Variants in NAV3 observed in about 807,000 individuals in gnomAD.
NAV3 encodes neuron navigator 3.
A neutral mutation model predicts 244.7 loss-of-function variants in NAV3; 87 were observed. That is an observed-to-expected ratio of 0.36 (90% CI 0.30 to 0.42). The LOEUF is 0.42. Among genes scored for constraint, NAV3 ranks in the 20% least tolerant of loss-of-function variants. The pLI is 1.00. For missense variants in NAV3, 2,663 were observed against 2,893.3 expected (o/e 0.92, Z 1.83); for synonymous variants, 1,126 against 1,042.2 (o/e 1.08, Z -1.55).
chr12:77,725,361 G>A (rs977873956), intron 2 of NAV3, among the ~76,000 whole-genome samples: 15 of 151,920 alleles, frequency 9.9e-5, no homozygotes, highest in African/African-American at 3.6e-4. Context: ...TCATATAACT[G>A]ACGAAAATGT....
chr12:77,972,522 A>G (rs1185862962), intron 5 of NAV3, among the ~76,000 whole-genome samples: 4 of 152,044 alleles, frequency 2.6e-5, no homozygotes, highest in Non-Finnish European at 5.9e-5. Flanking sequence ...TAAGCATCTT[A>G]TTTGCATTTA....
intron 5 of NAV3, among the ~76,000 whole-genome samples, chr12:77,982,397 CCCACAA>C (rs1565985211): frequency 3.3e-5 from 2 of 61,172 alleles, no homozygotes; most frequent in Non-Finnish European, 9.4e-5. Flanking sequence ...CTTCAAATCA[CCCACAA>C]TCTTATAGAG....
In NAV3 at chr12:78,007,411, C is replaced by T. The variant is rs267603685; in HGVS notation, c.1873C>T (p.Pro625Ser). The T allele has an allele frequency of 6.2e-7, 1 of 1,613,990 alleles. No homozygotes were observed. Reference sequence around the variant, plus strand: ...CCCTCAACAGCAGCAACATAGCCACCCGAATACCGCGACAGTGGCACCATT... The same window carrying T: ...CCCTCAACAGCAGCAACATAGCCACTCGAATACCGCGACAGTGGCACCATT... ...QLPQQQQHSH[P>S]NTATVAPFIY... Residue 625 changes from proline (P) to serine (S), a missense_variant, in exon 8 of 40, where the codon CCG becomes TCG. Physicochemically the swap from Pro to Ser is moderately conservative, Grantham distance 74. Around this residue, in one of 6 missense-constraint regions of NAV3, gnomAD observed 1,521 missense variants for 1,497.0 expected, o/e 1.02. Transcript: ENST00000397909.
chr12:77,691,052 T>A (rs1874988456), intron 2 of NAV3, among the ~76,000 whole-genome samples: 1 of 150,560 alleles, frequency 6.6e-6, no homozygotes. Flanking sequence ...AGGTGTCAAA[T>A]GGCAGTTCTG....
chr12:77,590,757 T>C (rs553268650), intron 2 of NAV3, among the ~76,000 whole-genome samples: 1 of 152,364 alleles, frequency 6.6e-6, no homozygotes, highest in South Asian at 2.1e-4. Context: ...AAAAATAATT[T>C]GTGTATAGAC....
intron 12 of NAV3, among the ~76,000 whole-genome samples, chr12:78,060,999 T>C (rs1285143599): frequency 1.3e-5 from 2 of 152,124 alleles, no homozygotes; most frequent in Admixed American, 1.3e-4. Flanking sequence ...CAGAACAACG[T>C]AAAGACCTAG....
intron 2 of NAV3, among the ~76,000 whole-genome samples, chr12:77,766,300 G>A (rs977430452): frequency 6.6e-6 from 1 of 152,142 alleles, no homozygotes; most frequent in Non-Finnish European, 1.5e-5. Flanking sequence ...TTTCACACAT[G>A]AACACCACCT....
Position 78,119,569 on chromosome 12 carries a change from C to T in NAV3, c.3373C>T (p.Leu1125=), listed in dbSNP as rs777538684. Residue 1125 remains leucine, a synonymous_variant, in exon 15 of 40, where the codon CTG becomes TTG. Coordinates refer to ENST00000397909, the MANE Select transcript of NAV3 (RefSeq NM_001024383.2). ...TTCACAGAATCAGGATGATGTTGTGCTGCATGTTAGCTCAAAGACTACCCT... is the reference window on the plus strand; with the variant it reads ...TTCACAGAATCAGGATGATGTTGTGTTGCATGTTAGCTCAAAGACTACCCT... ...DGSQNQDDVV[L]HVSSKTTLQY... The T allele has an allele frequency of 6.2e-7, 1 of 1,614,132 alleles. No homozygotes were observed. Among genetic ancestry groups the T allele is most frequent in the African/African-American group, 1.3e-5 (1 of 75,030 alleles).
At chr12:77,786,911 G>A (rs1018455966) in intron 2 of NAV3, among the ~76,000 whole-genome samples, 1 of 151,920 alleles carries the variant, frequency 6.6e-6, no homozygotes, top group Non-Finnish European at 1.5e-5. Context: ...TCCTCTGCTC[G>A]GATTCCACCC....
At position 78,128,724 on chromosome 12, in the gene NAV3, G is replaced by A. The variant is rs1196846391; in HGVS notation, c.4299G>A (p.Arg1433=). ...KKGLRYTPSS[R]QANQEEGKEW... is the part of the protein sequence containing the mutation. ...TTTGCAGATATACCCCATCATCTCG[G>A]CAGGCCAACCAAGAAGAGGGCAAAG... The change falls in exon 18 of 40, where the codon CGG becomes CGA. Residue 1433 remains arginine, a synonymous_variant. Coordinates refer to ENST00000397909, the MANE Select transcript of NAV3 (RefSeq NM_001024383.2). 6.2e-7 allele frequency: 1 copy of A among 1,613,642 alleles called. No homozygotes were observed. Among genetic ancestry groups the A allele is most frequent in the African/African-American group, 1.3e-5 (1 of 74,868 alleles).
intron 2 of NAV3, among the ~76,000 whole-genome samples, chr12:77,704,369 T>C (rs557737460): frequency 6.6e-6 from 1 of 151,628 alleles, no homozygotes; most frequent in East Asian, 1.9e-4. Flanking sequence ...GTTTTTAAGA[T>C]ATTATTAACA....
intron 18 of NAV3, among the ~76,000 whole-genome samples, chr12:78,131,233 A>G (rs1478741658): frequency 1.3e-5 from 2 of 152,128 alleles, no homozygotes; most frequent in African/African-American, 2.4e-5. Context: ...CCTTCCCACT[A>G]TATTGAGTAG....
chr12:78,002,330 C>T (rs1052531342), intron 7 of NAV3, among the ~76,000 whole-genome samples: 1 of 152,184 alleles, frequency 6.6e-6, no homozygotes, highest in Non-Finnish European at 1.5e-5. Context: ...TTTGCCATTT[C>T]TCACCGTGAT....
At position 77,831,705 on chromosome 12, in the gene NAV3, G is replaced by C; in HGVS notation, c.243+1G>C. ...AGCCAAGGAGAAAGAAGACAGCAAGGTTAGTTGCTGAAGTTACCTGCAGAC... is the reference window on the plus strand; with the variant it reads ...AGCCAAGGAGAAAGAAGACAGCAAGCTTAGTTGCTGAAGTTACCTGCAGAC... On this transcript the variant is annotated splice_donor_variant, in intron 1 of 39. Transcript: ENST00000397909. LOFTEE classifies it high-confidence loss of function. The C allele has an allele frequency of 6.3e-7, 1 of 1,597,914 alleles. No individual in the cohort carries two copies. The highest frequency in any genetic ancestry group is 8.5e-7 in the Non-Finnish European group (1 of 1,174,042).
intron 12 of NAV3, among the ~76,000 whole-genome samples, chr12:78,107,523 G>A (rs1385957648): frequency 1.3e-5 from 2 of 151,892 alleles, no homozygotes; most frequent in Non-Finnish European, 2.9e-5. Context: ...AACCTATGAA[G>A]TAAACCTTAT....
chr12:77,902,839 T>C (rs1885473437), intron 1 of NAV3, among the ~76,000 whole-genome samples: 1 of 152,150 alleles, frequency 6.6e-6, no homozygotes, highest in Non-Finnish European at 1.5e-5. Flanking sequence ...AGCATTCTTA[T>C]ACACCAATAG....
chr12:77,732,281 G>C (rs1877157049), intron 2 of NAV3, among the ~76,000 whole-genome samples: 1 of 151,842 alleles, frequency 6.6e-6, no homozygotes, highest in Admixed American at 6.6e-5. Flanking sequence ...GAATGAATAA[G>C]AACAGATGAG....
intron 2 of NAV3, chr12:77,775,888 T>C (rs1182109431): frequency 1.3e-5 from 2 of 152,364 alleles, no homozygotes; most frequent in East Asian, 3.8e-4. Context: ...AAATAGAAGT[T>C]TATCCTTTGT....
chr12:77,800,384 A>G (rs1433686917), intron 2 of NAV3, among the ~76,000 whole-genome samples: 1 of 152,160 alleles, frequency 6.6e-6, no homozygotes, highest in Non-Finnish European at 1.5e-5. Context: ...CATTGTAGGA[A>G]AGTGTTTTTT....
Sources: gnomAD v4.1 joint callset for allele counts (sites outside exome capture counted in the v4.1 genomes callset) on GRCh38, gnomAD v4.1.1 for gene constraint, gnomAD v4.1.1 regional missense constraint, MANE v1.5 for transcripts, NCBI Gene and HGNC (gene_info 2026-07-23, HGNC 2026-07-21) for gene names.